MAF: variants seen among roughly 807,000 people sequenced by gnomAD.
The protein encoded by MAF is MAF bZIP transcription factor.
In MAF, 10 loss-of-function variants were observed where a neutral mutation model predicts 22.0. The observed-to-expected ratio is 0.45, with a 90% CI of 0.28 to 0.77. The LOEUF (loss-of-function observed/expected upper bound fraction) is 0.77. Among genes scored for constraint, MAF ranks in the 30% least tolerant of loss-of-function variants. The probability of loss-of-function intolerance (pLI) is 0.12; values close to 1 mark genes in which losing one functional copy is unlikely to be tolerated. For missense variants in MAF, 544 were observed against 548.4 expected (o/e 0.99, Z 0.08); for synonymous variants, 337 against 255.8 (o/e 1.32, Z -3.03).
At chr16:79,377,724 C>T in the MAF span, among the ~76,000 whole-genome samples, 1 of 152,102 alleles carries the variant, frequency 6.6e-6, no homozygotes, top group Non-Finnish European at 1.5e-5. Flanking sequence ...AGGAAGAGGT[C>T]GAGTTTCAGC....
At chr16:79,546,832 AATT>A in the MAF span, among the ~76,000 whole-genome samples, 1 of 152,174 alleles carries the variant, frequency 6.6e-6, no homozygotes, top group Non-Finnish European at 1.5e-5. Flanking sequence ...TTATTAATAT[AATT>A]ATTGGAAATT....
At chr16:79,272,729 ATAT>A in the MAF span, among the ~76,000 whole-genome samples, 8 of 152,186 alleles carry the variant, frequency 5.3e-5, no homozygotes, top group African/African-American at 1.9e-4. Flanking sequence ...CCTCCCAACC[ATAT>A]TTTTTTAAAC....
chr16:79,366,349 A>G, the MAF span, among the ~76,000 whole-genome samples: 11 of 152,252 alleles, frequency 7.2e-5, no homozygotes, highest in Non-Finnish European at 5.9e-5. Flanking sequence ...TTAGAGCCTA[A>G]AAATGTAGGT....
the MAF span, among the ~76,000 whole-genome samples, chr16:79,480,382 A>T: frequency 8.5e-5 from 13 of 152,096 alleles, no homozygotes; most frequent in Non-Finnish European, 1.8e-4. Flanking sequence ...ATTTTAAAAT[A>T]AAAAAAGCCA....
chr16:79,566,081 C>A, the MAF span, among the ~76,000 whole-genome samples: 1 of 152,282 alleles, frequency 6.6e-6, no homozygotes, highest in Admixed American at 6.5e-5. Context: ...CAAACGCAAC[C>A]AAACAAAACC....
At chr16:79,266,571 T>C in the MAF span, among the ~76,000 whole-genome samples, 1 of 152,198 alleles carries the variant, frequency 6.6e-6, no homozygotes, top group Non-Finnish European at 1.5e-5. Flanking sequence ...GAAATAGCCA[T>C]ATGCATGATA....
chr16:79,303,484 GC>G, the MAF span, among the ~76,000 whole-genome samples: 1 of 152,148 alleles, frequency 6.6e-6, no homozygotes, highest in African/African-American at 2.4e-5. Flanking sequence ...CCCTGCTGAG[GC>G]TAGATTCTCT....
At chr16:79,589,051 G>C (rs1027272519), downstream of MAF, among the ~76,000 whole-genome samples, 1 of 152,158 alleles carries the variant, frequency 6.6e-6, no homozygotes, top group Non-Finnish European at 1.5e-5. Context: ...GTATCTATCT[G>C]TGCATGAATA....
the MAF span, among the ~76,000 whole-genome samples, chr16:79,366,487 A>G: frequency 1.3e-5 from 2 of 152,234 alleles, no homozygotes; most frequent in African/African-American, 4.8e-5. Flanking sequence ...ACCTACAGTT[A>G]GGAATTCTCT....
the MAF span, among the ~76,000 whole-genome samples, chr16:79,413,808 G>T: frequency 6.6e-6 from 1 of 152,164 alleles, no homozygotes; most frequent in Admixed American, 6.5e-5. Context: ...CTCTGCCAGG[G>T]GAAGGGTGGT....
chr16:79,211,919 A>G, the MAF span: 2 of 1,543,664 alleles, frequency 1.3e-6, no homozygotes, highest in East Asian at 2.4e-5. Flanking sequence ...AGGAAATAAG[A>G]GCAGTCACAA....
the MAF span, among the ~76,000 whole-genome samples, chr16:79,476,456 G>A: frequency 6.6e-6 from 1 of 152,324 alleles, no homozygotes; most frequent in African/African-American, 2.4e-5. Flanking sequence ...TTCAAACAAT[G>A]AAATGAAGTG....
chr16:79,540,909 T>A, the MAF span, among the ~76,000 whole-genome samples: 8 of 152,288 alleles, frequency 5.3e-5, no homozygotes, highest in South Asian at 4.1e-4. Context: ...ACTACTGTAC[T>A]TTTACCATTA....
At chr16:79,517,056 A>C in the MAF span, among the ~76,000 whole-genome samples, 507 of 152,040 alleles carry the variant, frequency 3.3e-3, 5 homozygotes, top group African/African-American at 0.012. Flanking sequence ...ACCATAGCAC[A>C]CTGCTCTTTT....
chr16:79,560,379 C>A, the MAF span, among the ~76,000 whole-genome samples: 1 of 149,636 alleles, frequency 6.7e-6, no homozygotes, highest in African/African-American at 2.5e-5. Context: ...TGAACAAATA[C>A]AATGTTGAAA....
chr16:79,243,070 T>C, the MAF span, among the ~76,000 whole-genome samples: 1 of 151,966 alleles, frequency 6.6e-6, no homozygotes, highest in South Asian at 2.1e-4. Flanking sequence ...GGGAAATTTA[T>C]AACCAGCTAG....
the MAF span, among the ~76,000 whole-genome samples, chr16:79,534,600 G>C: frequency 1.3e-5 from 2 of 151,960 alleles, no homozygotes; most frequent in Admixed American, 6.6e-5. Context: ...GATGGGGGGA[G>C]GGAGGAGGGA....
chr16:79,390,551 T>C, the MAF span, among the ~76,000 whole-genome samples: 1 of 152,162 alleles, frequency 6.6e-6, no homozygotes, highest in African/African-American at 2.4e-5. Context: ...CTGCTAACAA[T>C]TACACATCAA....
the MAF span, among the ~76,000 whole-genome samples, chr16:79,507,861 GTA>G: frequency 3.9e-5 from 6 of 152,290 alleles, no homozygotes; most frequent in East Asian, 1.2e-3. Flanking sequence ...GTTGGAGTTT[GTA>G]TGCATCCATT....
Sources: allele counts gnomAD v4.1 joint callset (sites outside exome capture counted in the v4.1 genomes callset), GRCh38; gene constraint gnomAD v4.1.1; transcripts MANE v1.5; gene names NCBI Gene and HGNC (gene_info 2026-07-23, HGNC 2026-07-21).